NFIC: variants seen among roughly 807,000 people sequenced by gnomAD.
NFIC encodes nuclear factor 1 C-type.
Under a neutral mutation model 54.4 loss-of-function variants are expected in NFIC, and 12 were observed. The observed-to-expected ratio is 0.22, with a 90% CI of 0.14 to 0.36. The LOEUF (loss-of-function observed/expected upper bound fraction) is 0.36, where lower values mean the gene tolerates loss of function less well. Among genes scored for constraint, NFIC ranks in the 10% least tolerant of loss-of-function variants. The pLI, the probability that NFIC is intolerant of heterozygous loss-of-function variation, is 1.00. For missense variants in NFIC, 575 were observed against 718.2 expected, an observed-to-expected ratio of 0.80 and a Z score of 2.28; for synonymous variants, 322 against 319.2, an observed-to-expected ratio of 1.01 and a Z score of -0.09.
rs2082668885 is a variant in NFIC, at chr19:3,463,351, A to G, written c.*582A>G. The G allele has an allele frequency of 2.2e-5, 22 of 986,120 alleles. No individual in the cohort carries two copies. The highest frequency in any genetic ancestry group is 2.5e-5 in the Non-Finnish European group (21 of 830,688). 61.1% of individuals were successfully genotyped at this position (986,120 alleles called of 1,614,324 possible). ...AGCCACTGGGGGGAAAGGGAGACAC[A>G]GCGGACCCCGGCCGGGCAGCGGAGA... On this transcript the variant is annotated 3_prime_UTR_variant, in exon 11 of 11. Transcript: ENST00000443272.
At chr19:3,449,344 G>A (rs1380987026) in intron 7 of NFIC, among the ~76,000 whole-genome samples, 1 of 152,094 alleles carries the variant, frequency 6.6e-6, no homozygotes, top group Non-Finnish European at 1.5e-5. Context: ...GTCCCTTTGG[G>A]CCTCAGTTTC....
Position 3,375,329 on chromosome 19 carries a change from G to A in NFIC, c.31-6383G>A. Among the ~76,000 whole-genome samples, 1 of 152,204 alleles carries A rather than the reference G, an allele frequency of 6.6e-6. No individual in the cohort carries two copies. The highest frequency in any genetic ancestry group is 6.5e-5 in the Admixed American group (1 of 15,272). On this transcript the variant is annotated intron_variant, in intron 1 of 10. Coordinates refer to ENST00000443272, the MANE Select transcript of NFIC (RefSeq NM_001245002.2). The surrounding 1 kb of genome is among the most constrained non-coding windows in gnomAD (Gnocchi z 4.6). ...GGCATCTCCTCCACAGGCAGGTCCTGCGCCTCTATGGGTCCTCTCTGCCGC... is the reference window on the plus strand; with the variant it reads ...GGCATCTCCTCCACAGGCAGGTCCTACGCCTCTATGGGTCCTCTCTGCCGC...
chr19:3,365,996 C>T (rs1375682864), upstream of NFIC, among the ~76,000 whole-genome samples: 5 of 149,390 alleles, frequency 3.3e-5, no homozygotes, highest in East Asian at 6.3e-4. Context: ...GGGAAAGAGG[C>T]GCGCTGGCCG....
chr19:3,464,798 TC>T lies in NFIC; in HGVS notation c.*2031del. The T allele has an allele frequency of 1.3e-6, 1 of 792,688 alleles. No individual in the cohort carries two copies. Among genetic ancestry groups the T allele is most frequent in the Non-Finnish European group, 1.5e-6 (1 of 654,332 alleles). 49.1% of individuals were successfully genotyped at this position (792,688 alleles called of 1,614,324 possible). On this transcript the variant is annotated 3_prime_UTR_variant, in exon 11 of 11. Transcript: ENST00000443272. The stretch of plus-strand genomic sequence containing the variant: ...CCTCTGGCCTCGAGCCCTTGGTCCC[TC>T]CGTCCGTCTGTCCTCGGGGCCCGCT...
rs188424568 is a variant in NFIC, at chr19:3,371,160, A to G, written c.30+4494A>G. ...AATAACTGCTATAGAGTGGTGCCAA[A>G]TAAGTGTTGCTGTGCTTGTGATTGT... On this transcript the variant is annotated intron_variant, in intron 1 of 10. Coordinates refer to ENST00000443272, the MANE Select transcript of NFIC (RefSeq NM_001245002.2). Among the ~76,000 whole-genome samples the G allele has an allele frequency of 4.5e-4, 68 of 152,212 alleles. 1 individual carries two copies. The highest frequency in any genetic ancestry group is 8.1e-4 in the Non-Finnish European group (55 of 68,008).
At chr19:3,414,592 CTAAAA>C (rs150304662) in intron 2 of NFIC, among the ~76,000 whole-genome samples, 14,103 of 131,426 alleles carry the variant, frequency 0.11, 867 homozygotes, top group East Asian at 0.17. Flanking sequence ...GAGACTGCAT[CTAAAA>C]TAAAATAAAA....
chr19:3,385,466 G>C (rs1046647115), intron 2 of NFIC, among the ~76,000 whole-genome samples: 1 of 152,154 alleles, frequency 6.6e-6, no homozygotes, highest in Non-Finnish European at 1.5e-5. Flanking sequence ...TAGGCAGGGG[G>C]CTAGGGCCCT....
At chr19:3,385,046 A>G (rs1413788207) in intron 2 of NFIC, among the ~76,000 whole-genome samples, 1 of 87,154 alleles carries the variant, frequency 1.1e-5, no homozygotes, top group Non-Finnish European at 2.1e-5. Context: ...GCCTCTGCTC[A>G]GCAGGCAGGC....
chr19:3,422,742 C>T (rs1286465970), intron 2 of NFIC, among the ~76,000 whole-genome samples: 1 of 151,638 alleles, frequency 6.6e-6, no homozygotes, highest in Non-Finnish European at 1.5e-5. Context: ...GTGACCTTCT[C>T]AGGAGCACAA....
rs900682340 is a variant in NFIC, at chr19:3,464,174, T to C, written c.*1405T>C. On this transcript the variant is annotated 3_prime_UTR_variant, in exon 11 of 11. Transcript: ENST00000443272. ...GACCGCCGTTTGCACTTTCATCGCC[T>C]ACCCCGACGCGGGGCCCAGCTGCGG... 2 of 983,808 alleles carry C rather than the reference T, an allele frequency of 2.0e-6. No homozygotes were observed. Among genetic ancestry groups the C allele is most frequent in the Non-Finnish European group, 1.2e-6 (1 of 829,882 alleles). 60.9% of individuals were successfully genotyped at this position (983,808 alleles called of 1,614,324 possible).
intron 3 of NFIC, among the ~76,000 whole-genome samples, chr19:3,429,249 TATATACACACACACAC>T (rs1568443759): frequency 3.7e-5 from 1 of 27,160 alleles, no homozygotes; most frequent in African/African-American, 1.3e-4. Context: ...AAAAAAAAAA[TATATACACACACACAC>T]ACACACACAC....
In NFIC at chr19:3,404,014, C is replaced by G. The variant is rs1266748739; in HGVS notation, c.563-21092C>G. ...CTCCCGGGGCTCCCTTCTCCACCCC[C>G]CCAGCCCCTGGCCTGCCCCTTTCCC... is the stretch of plus-strand genomic sequence containing the variant. On this transcript the variant is annotated intron_variant, in intron 2 of 10. Transcript: ENST00000443272. Among the ~76,000 whole-genome samples, 7 of 152,088 alleles carry G rather than the reference C, an allele frequency of 4.6e-5. No individual in the cohort carries two copies. In the South Asian group the frequency reaches 8.3e-4, roughly 18 times the overall value.
At chr19:3,437,227 G>T (rs767889715) in intron 6 of NFIC, among the ~76,000 whole-genome samples, 18 of 152,136 alleles carry the variant, frequency 1.2e-4, no homozygotes, top group Non-Finnish European at 2.1e-4. Context: ...AAATAGCCGG[G>T]CGTGGCGGCG....
At chr19:3,461,658 G>A (rs2082640802) in intron 10 of NFIC, among the ~76,000 whole-genome samples, 1 of 151,980 alleles carries the variant, frequency 6.6e-6, no homozygotes, top group Non-Finnish European at 1.5e-5. Flanking sequence ...AGGAAGCGGA[G>A]GTTGTAGAGA....
chr19:3,431,255 C>T (rs1374336550), intron 3 of NFIC, among the ~76,000 whole-genome samples: 1 of 151,538 alleles, frequency 6.6e-6, no homozygotes, highest in Non-Finnish European at 1.5e-5. Flanking sequence ...AACCCCTGAG[C>T]TCAGGTGATC....
chr19:3,441,856 T>C (rs1462510011), intron 6 of NFIC, among the ~76,000 whole-genome samples: 1 of 152,192 alleles, frequency 6.6e-6, no homozygotes, highest in African/African-American at 2.4e-5. Flanking sequence ...GCCACCACCC[T>C]GGGATGCTCC....
intron 2 of NFIC, among the ~76,000 whole-genome samples, chr19:3,418,165 C>A (rs1363228751): frequency 6.7e-6 from 1 of 148,840 alleles, no homozygotes; most frequent in Admixed American, 6.8e-5. Flanking sequence ...GTGACTCCAT[C>A]ATAACTCACT....
chr19:3,438,393 T>A (rs1017793465), intron 6 of NFIC, among the ~76,000 whole-genome samples: 2 of 149,640 alleles, frequency 1.3e-5, no homozygotes, highest in Admixed American at 6.6e-5. Flanking sequence ...CTTGATTACC[T>A]CAGGGGATGG....
Position 3,372,947 on chromosome 19 carries a change from C to T in NFIC, c.30+6281C>T, listed in dbSNP as rs1004293850. On this transcript the variant is annotated intron_variant, in intron 1 of 10. Transcript: ENST00000443272. ...GCAACCTCCGCCTCCCGGGTTCAAGCGATTTTCCCGCCTCAGCTTCCCAAG... is the reference window on the plus strand; with the variant it reads ...GCAACCTCCGCCTCCCGGGTTCAAGTGATTTTCCCGCCTCAGCTTCCCAAG... Among the ~76,000 whole-genome samples, 7 of 152,032 alleles carry T rather than the reference C, an allele frequency of 4.6e-5. No homozygotes were observed. In the South Asian group the frequency reaches 8.3e-4, roughly 18 times the overall value.
Sources: allele counts gnomAD v4.1 joint callset (sites outside exome capture counted in the v4.1 genomes callset), GRCh38; gene constraint gnomAD v4.1.1; non-coding constraint Gnocchi (gnomAD v3.1); transcripts MANE v1.5; gene names NCBI Gene and HGNC (gene_info 2026-07-23, HGNC 2026-07-21).